The following DHRS3 variants were observed in gnomAD, a reference collection of about 807,000 sequenced individuals.
DHRS3 encodes the protein dehydrogenase/reductase 3.
DHRS3 carries 14 observed loss-of-function variants against 27.2 expected under a neutral mutation model. That is an observed-to-expected ratio of 0.52 (90% CI 0.34 to 0.81). The LOEUF (loss-of-function observed/expected upper bound fraction) is 0.81, where lower values mean the gene tolerates loss of function less well. DHRS3 is among the 30% of genes least tolerant of loss of function. DHRS3 has a pLI of 0.01. For missense variants in DHRS3, 322 were observed against 406.2 expected (o/e 0.79, Z 1.78); for synonymous variants, 165 against 175.9 (o/e 0.94, Z 0.49).
intron 1 of DHRS3, among the ~76,000 whole-genome samples, chr1:12,611,295 G>A (rs181228294): frequency 1.1e-4 from 16 of 152,270 alleles, no homozygotes; most frequent in Admixed American, 9.8e-4. Context: ...AGATGGAGGA[G>A]GCATTCCTGA....
In DHRS3 at chr1:12,578,673, G is replaced by A; in HGVS notation, c.698+45C>T. 1 of 1,561,094 alleles carries A rather than the reference G, an allele frequency of 6.4e-7. No homozygotes were observed. Among genetic ancestry groups the A allele is most frequent in the Non-Finnish European group, 8.8e-7 (1 of 1,133,658 alleles). On this transcript the variant is annotated intron_variant, in intron 4 of 5. Transcript: ENST00000616661. This position sits in a 1 kb window ranked among gnomAD's most constrained non-coding sequence, Gnocchi z 4.5. Reference sequence around the variant, plus strand: ...TTGGCTGACTGAATGGCTTGGGGAGGCAGGTGAGAAGGCTGGTCTCAAGGT... The same window carrying A: ...TTGGCTGACTGAATGGCTTGGGGAGACAGGTGAGAAGGCTGGTCTCAAGGT...
rs1032520087 is a variant in DHRS3 at position 12,608,068 on chromosome 1, G to C, written c.195+9086C>G. Among the ~76,000 whole-genome samples, 3 of 152,024 alleles carry C rather than the reference G, an allele frequency of 2.0e-5. No individual in the cohort carries two copies. Among genetic ancestry groups the C allele is most frequent in the Non-Finnish European group, 2.9e-5 (2 of 68,010 alleles). Reference sequence around the variant, plus strand: ...ATTTTTGTATTTTTAGTAGAGATGGGGTCTCATCCCGTTGGACAGGCTGGT... The same window carrying C: ...ATTTTTGTATTTTTAGTAGAGATGGCGTCTCATCCCGTTGGACAGGCTGGT... On this transcript the variant is annotated intron_variant, in intron 1 of 5. Transcript: ENST00000616661. This position sits in a 1 kb window ranked among gnomAD's most constrained non-coding sequence, Gnocchi z 4.1.
rs543243283 is a variant in DHRS3 at position 12,594,628 on chromosome 1, C to T, written c.196-13962G>A. 9.2e-5 allele frequency among the ~76,000 whole-genome samples: 14 copies of T among 151,956 alleles called. No homozygotes were observed. The highest frequency in any genetic ancestry group is 1.3e-4 in the Non-Finnish European group (9 of 67,972). ...GACCTGAGGGAAGTGAAGGAGGGAG[C>T]GATACAGACGCGTGGAGGAAGAGCA... On this transcript the variant is annotated intron_variant, in intron 1 of 5. Transcript: ENST00000616661. The surrounding 1 kb of genome is among the most constrained non-coding windows in gnomAD (Gnocchi z 4.1).
intron 1 of DHRS3, among the ~76,000 whole-genome samples, chr1:12,597,139 C>T (rs541188795): frequency 4.6e-5 from 7 of 152,260 alleles, no homozygotes; most frequent in South Asian, 2.1e-4. Flanking sequence ...TGCAGTGGCG[C>T]GATCTCGGCT....
chr1:12,602,377 C>T (rs1453002511), intron 1 of DHRS3, among the ~76,000 whole-genome samples: 1 of 152,176 alleles, frequency 6.6e-6, no homozygotes, highest in South Asian at 2.1e-4. Context: ...GATGGCCAGA[C>T]TCCCTGTAGG....
At chr1:12,580,699 G>A (rs1646636879) in intron 1 of DHRS3, 33 bp from the exon 2 acceptor site, 1 of 1,592,278 alleles carries the variant, frequency 6.3e-7, no homozygotes, top group South Asian at 1.1e-5. Context: ...CAGAACAAAT[G>A]GTCATTAAGC....
At chr1:12,595,367 G>T (rs1320120267) in intron 1 of DHRS3, among the ~76,000 whole-genome samples, 1 of 145,984 alleles carries the variant, frequency 6.9e-6, no homozygotes, top group Non-Finnish European at 1.5e-5. Context: ...GAGGCTCCAG[G>T]AAGTCTTTCT....
chr1:12,606,311 C>CAAA lies in DHRS3; in HGVS notation c.195+10840_195+10842dup, dbSNP rs56928608. Among the ~76,000 whole-genome samples the CAAA allele has an allele frequency of 7.5e-3, 733 of 98,154 alleles. 13 individuals carry two copies. The highest frequency in any genetic ancestry group is 0.028 in the African/African-American group (657 of 23,766). The allele number at this position is 98,154 out of a possible 152,430, so 64.4% of individuals were successfully genotyped here. On this transcript the variant is annotated intron_variant, in intron 1 of 5. Coordinates refer to ENST00000616661, the MANE Select transcript of DHRS3 (RefSeq NM_004753.7). ...ACTGAAGAGGACTGACAATTAACAG[C>CAAA]AAAAAAAAAAAAAAAAAAGCCAATA...
chr1:12,587,299 C>T (rs1646705090), intron 1 of DHRS3, among the ~76,000 whole-genome samples: 1 of 151,618 alleles, frequency 6.6e-6, no homozygotes, highest in East Asian at 1.9e-4. Context: ...CAAGCCACTA[C>T]TCCTGGCTAA....
At chr1:12,581,746 A>T (rs1646645849) in intron 1 of DHRS3, among the ~76,000 whole-genome samples, 1 of 152,142 alleles carries the variant, frequency 6.6e-6, no homozygotes, top group Non-Finnish European at 1.5e-5. Flanking sequence ...CTGGAGTCGG[A>T]TGACAGGGGG....
At chr1:12,590,668 ACT>A (rs1646738413) in intron 1 of DHRS3, among the ~76,000 whole-genome samples, 1 of 151,784 alleles carries the variant, frequency 6.6e-6, no homozygotes, top group East Asian at 1.9e-4. Context: ...TTGGAATGTG[ACT>A]CTGAATCCGC....
chr1:12,605,365 T>C (rs1355472888), intron 1 of DHRS3, among the ~76,000 whole-genome samples: 1 of 152,216 alleles, frequency 6.6e-6, no homozygotes, highest in Non-Finnish European at 1.5e-5. Flanking sequence ...ACCAAGGTCA[T>C]ATACAGTATC....
At chr1:12,582,761 T>C (rs1380268468) in intron 1 of DHRS3, among the ~76,000 whole-genome samples, 1 of 151,966 alleles carries the variant, frequency 6.6e-6, no homozygotes, top group Non-Finnish European at 1.5e-5. Context: ...TATCTGTCCA[T>C]CCGTCCACTC....
At chr1:12,584,980 T>C (rs1646680083) in intron 1 of DHRS3, among the ~76,000 whole-genome samples, 1 of 151,710 alleles carries the variant, frequency 6.6e-6, no homozygotes, top group African/African-American at 2.4e-5. Flanking sequence ...TCTGTATGAG[T>C]GTATGTGTCT....
chr1:12,582,875 C>CCATCCA (rs1570367131), intron 1 of DHRS3, among the ~76,000 whole-genome samples: 2,743 of 137,596 alleles, frequency 0.02, 35 homozygotes, highest in Middle Eastern at 0.027. Context: ...CCATCCATCC[C>CCATCCA]TCCCTCCCTC....
rs984194007 is a variant in DHRS3, at chr1:12,617,979, T to C, written c.-631A>G. ...AGGAAATTGCTTAAACGCGATCTGA[T>C]TGCCAGCAACGTGCAGGAGAAGTGG... On this transcript the variant is annotated 5_prime_UTR_variant, in exon 1 of 6. Coordinates refer to ENST00000616661, the MANE Select transcript of DHRS3 (RefSeq NM_004753.7). 6.6e-6 allele frequency among the ~76,000 whole-genome samples: 1 copy of C among 151,672 alleles called. No individual in the cohort carries two copies. The highest frequency in any genetic ancestry group is 1.5e-5 in the Non-Finnish European group (1 of 67,960).
chr1:12,568,217 C>CT lies in DHRS3; in HGVS notation c.*122dup. ...GGCCCAGGGGCAGCCGGATTCTTCG[C>CT]TGGGGACAGGAGCTGTCCTGCTCAC... On this transcript the variant is annotated 3_prime_UTR_variant, in exon 6 of 6. Transcript: ENST00000616661. 1 of 945,482 alleles carries CT rather than the reference C, an allele frequency of 1.1e-6. No individual in the cohort carries two copies. The highest frequency in any genetic ancestry group is 1.4e-5 in the South Asian group (1 of 71,334). 58.6% of individuals were successfully genotyped at this position (945,482 alleles called of 1,614,324 possible). A position where few individuals can be genotyped will look rare whatever the true frequency, so the allele number is the denominator to read the frequency against.
rs369525629 is a variant in DHRS3, at chr1:12,615,601, A to G, written c.195+1553T>C. 7.9e-5 allele frequency among the ~76,000 whole-genome samples: 12 copies of G among 152,292 alleles called. No homozygotes were observed. The South Asian group carries it at 2.5e-3, about 32-fold the overall frequency. ...GCTACAAGAACAGTAAAAGAGACCC[A>G]GGACTTGGGCCAGCTGGAAGACTCA... On this transcript the variant is annotated intron_variant, in intron 1 of 5. Coordinates refer to ENST00000616661, the MANE Select transcript of DHRS3 (RefSeq NM_004753.7).
chr1:12,598,824 C>G (rs1646817097), intron 1 of DHRS3, among the ~76,000 whole-genome samples: 1 of 152,192 alleles, frequency 6.6e-6, no homozygotes, highest in South Asian at 2.1e-4. Flanking sequence ...AGAGCAAAGC[C>G]AGGAACTAGC....
Sources: allele counts gnomAD v4.1 joint callset (sites outside exome capture counted in the v4.1 genomes callset), GRCh38; gene constraint gnomAD v4.1.1; non-coding constraint Gnocchi (gnomAD v3.1); transcripts MANE v1.5; gene names NCBI Gene and HGNC (gene_info 2026-07-23, HGNC 2026-07-21).